Variants in ZHX2 observed in about 807,000 individuals in gnomAD.
ZHX2 encodes the protein zinc fingers and homeoboxes 2.
In ZHX2, 6 loss-of-function variants were observed where a neutral mutation model predicts 21.9. The ratio of observed to expected loss-of-function variants is 0.27; its 90% confidence interval spans 0.15 to 0.54. The LOEUF is 0.54. Ranked by LOEUF, ZHX2 falls within the 20% of genes least tolerant of loss-of-function variation. The pLI, the probability that ZHX2 is intolerant of heterozygous loss-of-function variation, is 0.95. For synonymous variants in ZHX2, 434 were observed against 437.1 expected, an observed-to-expected ratio of 0.99 and a Z score of 0.09; for missense variants, 908 against 1,090.7, an observed-to-expected ratio of 0.83 and a Z score of 2.36.
chr8:122,866,329 C>T (rs117180124), intron 2 of ZHX2, among the ~76,000 whole-genome samples: 1,776 of 152,248 alleles, frequency 0.012, 14 homozygotes, highest in Non-Finnish European at 0.02. Flanking sequence ...GGCACTCCCC[C>T]CCACCCCAGG....
intron 1 of ZHX2, chr8:122,809,307 G>A (rs1368836581): frequency 2.0e-5 from 3 of 152,258 alleles, no homozygotes; most frequent in African/African-American, 7.2e-5. Context: ...AGACCAGCCT[G>A]GCCAAAATGG....
chr8:122,902,212 C>G (rs893543034), intron 2 of ZHX2, among the ~76,000 whole-genome samples: 4 of 152,192 alleles, frequency 2.6e-5, no homozygotes, highest in Admixed American at 6.5e-5. Context: ...TACAGCCTTA[C>G]TCTGTGCTAG....
intron 2 of ZHX2, among the ~76,000 whole-genome samples, chr8:122,866,275 C>T (rs1819292971): frequency 6.6e-6 from 1 of 152,224 alleles, no homozygotes; most frequent in Non-Finnish European, 1.5e-5. Flanking sequence ...GGAAGACAAA[C>T]AGCGTGTCGC....
intron 1 of ZHX2, among the ~76,000 whole-genome samples, chr8:122,783,527 A>G (rs542014228): frequency 6.6e-6 from 1 of 152,092 alleles, no homozygotes; most frequent in Non-Finnish European, 1.5e-5. Flanking sequence ...TCCTTTATAT[A>G]TGGCAGAAAT....
rs754243702 is a variant in ZHX2 at position 122,953,681 on chromosome 8, G to T, written c.2171G>T (p.Gly724Val). 1 of 1,614,142 alleles carries T rather than the reference G, an allele frequency of 6.2e-7. No homozygotes were observed. Among genetic ancestry groups the T allele is most frequent in the African/African-American group, 1.3e-5 (1 of 74,944 alleles). The stretch of plus-strand genomic sequence containing the variant: ...ATGGCCGAGAGCCCAAAGAACGGGG[G>T]TGATGTGGTTCCACAATATTACAAG... Reference protein sequence around the residue: ...KPMAESPKNGGDVVPQYYKDP... With the variant: ...KPMAESPKNGVDVVPQYYKDP... The change falls in exon 3 of 4, where the codon GGT (glycine) becomes GTT (valine). Residue 724 changes from glycine (G) to valine (V), a missense_variant. Gly to Val is a moderately radical substitution (Grantham distance 109). This residue lies in a region of ZHX2 where 431 missense variants were observed against 428.6 expected (regional missense o/e 1.01). Coordinates refer to ENST00000314393, the MANE Select transcript of ZHX2 (RefSeq NM_014943.5). The surrounding 1 kb of genome is among the most constrained non-coding windows in gnomAD (Gnocchi z 4.6).
chr8:122,921,666 G>A (rs1353075461), intron 2 of ZHX2, among the ~76,000 whole-genome samples: 1 of 141,324 alleles, frequency 7.1e-6, no homozygotes, highest in Non-Finnish European at 1.6e-5. Context: ...GAGAGAGAGA[G>A]AAAGTGAGGA....
intron 2 of ZHX2, among the ~76,000 whole-genome samples, chr8:122,875,132 TATATATATATATATATATATATA>T (rs1563763632): frequency 0.026 from 2,485 of 96,670 alleles, 360 homozygotes; most frequent in Non-Finnish European, 0.034. Context: ...AACTCTGTTA[TATATATATATATATATATATATA>T]TATATATATA....
At chr8:122,877,017 C>A (rs1239672939) in intron 2 of ZHX2, among the ~76,000 whole-genome samples, 1 of 152,150 alleles carries the variant, frequency 6.6e-6, no homozygotes, top group Non-Finnish European at 1.5e-5. Flanking sequence ...AGGCACTGTG[C>A]TAAGCACTTG....
intron 1 of ZHX2, among the ~76,000 whole-genome samples, chr8:122,855,245 T>C (rs1006966292): frequency 1.3e-5 from 2 of 152,240 alleles, no homozygotes; most frequent in African/African-American, 4.8e-5. Context: ...ACGTGTTTAA[T>C]AGAGGCCAGC....
chr8:122,843,763 G>A lies in ZHX2; in HGVS notation c.-282-19714G>A, dbSNP rs541421125. The stretch of plus-strand genomic sequence containing the variant: ...ATGTTCACCAGCTAGACGTGAAGGA[G>A]CTTATGTCATGACTGAAACACTTCC... On this transcript the variant is annotated intron_variant, in intron 1 of 3. Coordinates refer to ENST00000314393, the MANE Select transcript of ZHX2 (RefSeq NM_014943.5). Among the ~76,000 whole-genome samples the A allele has an allele frequency of 2.4e-3, 358 of 152,336 alleles. 2 individuals carry two copies. Among genetic ancestry groups the A allele is most frequent in the Middle Eastern group, 0.01 (3 of 294 alleles).
At position 122,952,820 on chromosome 8, in the gene ZHX2, C is replaced by G. The variant is rs200614161; in HGVS notation, c.1310C>G (p.Pro437Arg). The change falls in exon 3 of 4, where the codon CCG becomes CGG. Residue 437 changes from proline to arginine, a missense_variant. By Grantham distance (103) the Pro-to-Arg change is moderately radical (BLOSUM62 -2). This residue lies in a region of ZHX2 where 232 missense variants were observed against 361.8 expected (regional missense o/e 0.64). Transcript: ENST00000314393. The surrounding 1 kb of genome is among the most constrained non-coding windows in gnomAD (Gnocchi z 6.9). ...CCCCCACCCAAGGTGGCCAACCCCC[C>G]GCTCACACCAGCCAGTGACCGCAAG... ...PEPPPKVANP[P>R]LTPASDRKKT... is the part of the protein sequence containing the mutation. The G allele has an allele frequency of 9.3e-6, 15 of 1,613,976 alleles. No individual in the cohort carries two copies. The highest frequency in any genetic ancestry group is 2.2e-5 in the South Asian group (2 of 91,080).
chr8:122,838,337 A>G (rs149074892), intron 1 of ZHX2, among the ~76,000 whole-genome samples: 48 of 152,282 alleles, frequency 3.2e-4, no homozygotes, highest in African/African-American at 9.9e-4. Context: ...TGTCTATGTA[A>G]GAGAAACTCA....
At chr8:122,839,408 G>A (rs926589099) in intron 1 of ZHX2, among the ~76,000 whole-genome samples, 2 of 152,198 alleles carry the variant, frequency 1.3e-5, no homozygotes, top group Admixed American at 1.3e-4. Context: ...TTCCACCCTC[G>A]GTGTGAAGTG....
chr8:122,838,514 T>C (rs1281628668), intron 1 of ZHX2, among the ~76,000 whole-genome samples: 2 of 151,954 alleles, frequency 1.3e-5, no homozygotes, highest in Non-Finnish European at 2.9e-5. Context: ...AAATAAATGG[T>C]TAAATACGTG....
chr8:122,870,460 T>C lies in ZHX2; in HGVS notation c.-220+6921T>C, dbSNP rs146402244. 8.8e-3 allele frequency among the ~76,000 whole-genome samples: 1,322 copies of C among 150,394 alleles called. 10 individuals carry two copies. Among genetic ancestry groups the C allele is most frequent in the Middle Eastern group, 0.021 (6 of 292 alleles). On this transcript the variant is annotated intron_variant, in intron 2 of 3. Coordinates refer to ENST00000314393, the MANE Select transcript of ZHX2 (RefSeq NM_014943.5). ...GCCTGGCCAACAAGGTGAAACCCCA[T>C]CTCCACTAAAAATTAAAAATAAAAA... is the stretch of plus-strand genomic sequence containing the variant.
chr8:122,882,784 C>G (rs895150636), intron 2 of ZHX2, among the ~76,000 whole-genome samples: 11 of 152,126 alleles, frequency 7.2e-5, no homozygotes, highest in Non-Finnish European at 1.0e-4. Flanking sequence ...GAGTTCGAGA[C>G]CAGCCTAGCC....
chr8:122,913,005 C>T (rs142009906), intron 2 of ZHX2, among the ~76,000 whole-genome samples: 9 of 152,266 alleles, frequency 5.9e-5, no homozygotes, highest in African/African-American at 2.2e-4. Context: ...AAAAGAAACC[C>T]TATACCCATT....
intron 1 of ZHX2, among the ~76,000 whole-genome samples, chr8:122,855,523 C>G (rs1819005025): frequency 6.6e-6 from 1 of 151,994 alleles, no homozygotes; most frequent in South Asian, 2.1e-4. Context: ...AACTGCGCGC[C>G]AGTTTGGGGC....
intron 2 of ZHX2, among the ~76,000 whole-genome samples, chr8:122,933,143 C>T (rs914554774): frequency 6.6e-6 from 1 of 152,146 alleles, no homozygotes; most frequent in African/African-American, 2.4e-5. Flanking sequence ...TGCTGAAAAG[C>T]CCTGTCTCGC....
Sources: gnomAD v4.1 joint callset for allele counts (sites outside exome capture counted in the v4.1 genomes callset) on GRCh38, gnomAD v4.1.1 for gene constraint, gnomAD v4.1.1 regional missense constraint, Gnocchi (gnomAD v3.1) non-coding constraint, MANE v1.5 for transcripts, NCBI Gene and HGNC (gene_info 2026-07-23, HGNC 2026-07-21) for gene names.